The following AGBL1 variants were observed in gnomAD, a reference collection of about 807,000 sequenced individuals.
AGBL1 encodes the protein cytosolic carboxypeptidase 4.
In AGBL1, 130 loss-of-function variants were observed where a neutral mutation model predicts 118.9. That is an observed-to-expected ratio of 1.09 (90% CI 0.95 to 1.26). The LOEUF is 1.26. Among genes scored for constraint, AGBL1 ranks in the 50% most tolerant of loss-of-function variants. The pLI, the probability that AGBL1 is intolerant of heterozygous loss-of-function variation, is 0.00. For synonymous variants in AGBL1, 555 were observed against 478.9 expected (o/e 1.16, Z -2.08); for missense variants, 1,584 against 1,298.1 (o/e 1.22, Z -3.38).
Position 86,274,606 on chromosome 15 carries a change from G to A in AGBL1, c.2075+2900G>A, listed in dbSNP as rs564659931. On this transcript the variant is annotated intron_variant, in intron 15 of 22. Coordinates refer to ENST00000614907, the MANE Select transcript of AGBL1 (RefSeq NM_001386094.1). ...AGCTGTTCCCACTTCTCCCTTTGGAGACCTCTCCCATGCAACAATCGATGC... is the reference window on the plus strand; with the variant it reads ...AGCTGTTCCCACTTCTCCCTTTGGAAACCTCTCCCATGCAACAATCGATGC... Among the ~76,000 whole-genome samples the A allele has an allele frequency of 2.0e-4, 30 of 152,254 alleles. No individual in the cohort carries two copies. The South Asian group carries it at 6.2e-3, about 32-fold the overall frequency.
At chr15:86,344,923 C>G (rs1372786493) in intron 17 of AGBL1, among the ~76,000 whole-genome samples, 2 of 152,004 alleles carry the variant, frequency 1.3e-5, no homozygotes, top group Non-Finnish European at 2.9e-5. Context: ...GTACTTGACT[C>G]CTTTCCTTTT....
intron 17 of AGBL1, among the ~76,000 whole-genome samples, chr15:86,311,210 T>C (rs368214747): frequency 3.9e-5 from 6 of 152,348 alleles, no homozygotes; most frequent in Middle Eastern, 3.4e-3. Context: ...GCATCAAAAA[T>C]GACTTTTGAA....
At chr15:86,191,808 G>T (rs944641099) in intron 5 of AGBL1, among the ~76,000 whole-genome samples, 1 of 151,586 alleles carries the variant, frequency 6.6e-6, no homozygotes, top group Non-Finnish European at 1.5e-5. Flanking sequence ...GAACACATGG[G>T]CTGCGTGCAG....
chr15:86,794,882 T>C (rs2078547304), intron 22 of AGBL1, among the ~76,000 whole-genome samples: 1 of 152,198 alleles, frequency 6.6e-6, no homozygotes, highest in Non-Finnish European at 1.5e-5. Context: ...TTTCTAGTTA[T>C]GTTGAGAAAG....
At chr15:86,171,352 C>T (rs7181394) in intron 5 of AGBL1, among the ~76,000 whole-genome samples, 9,711 of 150,484 alleles carry the variant, frequency 0.065, 439 homozygotes, top group East Asian at 0.22. Context: ...TATATGACAA[C>T]AAGAGCACAA....
intron 18 of AGBL1, among the ~76,000 whole-genome samples, chr15:86,415,090 C>T (rs2081672784): frequency 6.6e-6 from 1 of 152,152 alleles, no homozygotes; most frequent in South Asian, 2.1e-4. Context: ...CTCAGATGAT[C>T]AGTGGGTACC....
At chr15:86,583,127 A>G (rs1366067419) in intron 21 of AGBL1, among the ~76,000 whole-genome samples, 1 of 151,960 alleles carries the variant, frequency 6.6e-6, no homozygotes, top group Admixed American at 6.6e-5. Flanking sequence ...GAGGAAAAGT[A>G]TTTTTAGAGA....
chr15:86,870,237 T>G (rs1166213909), intron 22 of AGBL1, among the ~76,000 whole-genome samples: 1 of 151,956 alleles, frequency 6.6e-6, no homozygotes, highest in Non-Finnish European at 1.5e-5. Flanking sequence ...TTATATAGAC[T>G]AAGAGAAATA....
At chr15:86,562,293 T>A (rs2083836911) in intron 21 of AGBL1, among the ~76,000 whole-genome samples, 3 of 152,212 alleles carry the variant, frequency 2.0e-5, no homozygotes, top group Non-Finnish European at 4.4e-5. Context: ...CATAAATAGC[T>A]CTTATTATTT....
At chr15:86,366,618 C>T (rs1279446116) in intron 17 of AGBL1, among the ~76,000 whole-genome samples, 1 of 152,152 alleles carries the variant, frequency 6.6e-6, no homozygotes, top group African/African-American at 2.4e-5. Flanking sequence ...TCCCAGACAT[C>T]TTGCCCGTTC....
chr15:87,005,060 CT>C (rs1416585856), intron 24 of AGBL1, among the ~76,000 whole-genome samples: 1 of 152,220 alleles, frequency 6.6e-6, no homozygotes, highest in Non-Finnish European at 1.5e-5. Context: ...AAGAGATCCA[CT>C]GTTAGTCTGA....
chr15:86,685,688 A>T lies in AGBL1; in HGVS notation c.3158+11252A>T, dbSNP rs1596368602. On this transcript the variant is annotated intron_variant, in intron 22 of 22. Transcript: ENST00000614907. ...GATTAATACTATTTTATAGATAAAT[A>T]AAAGGAGGTTTATGATGCTAAATGT... is the stretch of plus-strand genomic sequence containing the variant. Among the ~76,000 whole-genome samples the T allele has an allele frequency of 2.0e-5, 3 of 152,288 alleles. No homozygotes were observed. The South Asian group carries it at 6.2e-4, about 32-fold the overall frequency.
intron 23 of AGBL1, among the ~76,000 whole-genome samples, chr15:86,935,424 T>G (rs560272908): frequency 6.6e-6 from 1 of 152,278 alleles, no homozygotes; most frequent in East Asian, 1.9e-4. Context: ...ACAGAGAAGG[T>G]AAGAACAAAT....
At chr15:86,873,886 C>A (rs549366627) in intron 22 of AGBL1, among the ~76,000 whole-genome samples, 2 of 152,222 alleles carry the variant, frequency 1.3e-5, no homozygotes, top group African/African-American at 2.4e-5. Flanking sequence ...ACTCAAGATA[C>A]AATAGTCTTT....
intron 5 of AGBL1, among the ~76,000 whole-genome samples, chr15:86,210,508 C>T (rs370194047): frequency 1.2e-4 from 19 of 152,110 alleles, no homozygotes; most frequent in African/African-American, 2.9e-4. Flanking sequence ...AGGCTTTGTT[C>T]GTCGCTTTTT....
chr15:86,438,854 G>A (rs977519114), intron 18 of AGBL1, among the ~76,000 whole-genome samples: 1 of 151,790 alleles, frequency 6.6e-6, no homozygotes, highest in Non-Finnish European at 1.5e-5. Context: ...TAGAATCGGG[G>A]TTTCACCATG....
chr15:86,195,066 CTCATGTATTCACTTTTTCA>C (rs1302932115), intron 5 of AGBL1, among the ~76,000 whole-genome samples: 1 of 152,114 alleles, frequency 6.6e-6, no homozygotes, highest in Non-Finnish European at 1.5e-5. Flanking sequence ...GCCTTATTCA[CTCATGTATTCACTTTTTCA>C]TCATGCATTT....
intron 17 of AGBL1, among the ~76,000 whole-genome samples, chr15:86,379,512 T>A (rs2081084716): frequency 6.6e-6 from 1 of 152,170 alleles, no homozygotes; most frequent in Admixed American, 6.5e-5. Context: ...TTTTCCTTAA[T>A]AATAATGCCA....
chr15:86,741,976 A>T (rs913366214), intron 22 of AGBL1, among the ~76,000 whole-genome samples: 4 of 141,560 alleles, frequency 2.8e-5, no homozygotes, highest in Non-Finnish European at 6.0e-5. Context: ...TATCCACTGG[A>T]GTTTTTTTTT....
Sources: allele counts gnomAD v4.1 joint callset (sites outside exome capture counted in the v4.1 genomes callset), GRCh38; gene constraint gnomAD v4.1.1; transcripts MANE v1.5; gene names NCBI Gene and HGNC (gene_info 2026-07-23, HGNC 2026-07-21).